XKR6: variants seen among roughly 807,000 people sequenced by gnomAD.
The protein encoded by XKR6 is XK related 6.
In XKR6, 22 loss-of-function variants were observed where a neutral mutation model predicts 56.7. The observed-to-expected ratio is 0.39, with a 90% CI of 0.28 to 0.55. XKR6 has a LOEUF of 0.55. Among genes scored for constraint, XKR6 ranks in the 20% least tolerant of loss-of-function variants. The pLI, the probability that XKR6 is intolerant of heterozygous loss-of-function variation, is 0.66. For missense variants in XKR6, 852 were observed against 889.0 expected, an observed-to-expected ratio of 0.96 and a Z score of 0.53; for synonymous variants, 524 against 387.8, an observed-to-expected ratio of 1.35 and a Z score of -4.13.
At chr8:11,071,051 C>G (rs1164075476) in intron 1 of XKR6, among the ~76,000 whole-genome samples, 1 of 152,182 alleles carries the variant, frequency 6.6e-6, no homozygotes, top group African/African-American at 2.4e-5. Flanking sequence ...TCCTCCTGGC[C>G]AGTTCATCTC....
At chr8:10,904,777 A>G (rs1412513666) in intron 2 of XKR6, among the ~76,000 whole-genome samples, 3 of 152,196 alleles carry the variant, frequency 2.0e-5, no homozygotes, top group African/African-American at 7.2e-5. Flanking sequence ...GGGGGAAGGC[A>G]TGCTCCAGAA....
intron 1 of XKR6, among the ~76,000 whole-genome samples, chr8:11,098,642 C>T (rs1798351260): frequency 6.6e-6 from 1 of 152,196 alleles, no homozygotes; most frequent in Non-Finnish European, 1.5e-5. Context: ...ATATCCCTTA[C>T]AGAAAGGTTC....
At chr8:10,978,953 C>A (rs7011268) in intron 1 of XKR6, among the ~76,000 whole-genome samples, 1 of 151,920 alleles carries the variant, frequency 6.6e-6, no homozygotes, top group Non-Finnish European at 1.5e-5. Flanking sequence ...TCACAGAGAC[C>A]GTACCCTCGG....
chr8:11,157,971 C>T (rs1801605236), intron 1 of XKR6, among the ~76,000 whole-genome samples: 1 of 152,144 alleles, frequency 6.6e-6, no homozygotes, highest in African/African-American at 2.4e-5. Context: ...CAAACCAAAG[C>T]AAAAATCTGT....
chr8:10,966,815 C>A (rs569112982), intron 1 of XKR6, among the ~76,000 whole-genome samples: 17 of 152,302 alleles, frequency 1.1e-4, no homozygotes, highest in African/African-American at 4.1e-4. Context: ...CTGGGGCGCA[C>A]TGACGTCTGA....
Position 11,181,776 on chromosome 8 carries a change from C to T in XKR6, c.764+18800G>A, listed in dbSNP as rs530299255. On this transcript the variant is annotated intron_variant, in intron 1 of 2. Transcript: ENST00000416569. Reference sequence around the variant, plus strand: ...CTTACTATATGCATCAAGCACTATTCTGAGACTTGGCATGTATTAATTCTT... The same window carrying T: ...CTTACTATATGCATCAAGCACTATTTTGAGACTTGGCATGTATTAATTCTT... 2.6e-5 allele frequency among the ~76,000 whole-genome samples: 4 copies of T among 152,326 alleles called. No individual in the cohort carries two copies. The South Asian group carries it at 8.3e-4, about 32-fold the overall frequency.
At chr8:11,037,127 G>C (rs1418088950) in intron 1 of XKR6, among the ~76,000 whole-genome samples, 1 of 152,170 alleles carries the variant, frequency 6.6e-6, no homozygotes, top group Non-Finnish European at 1.5e-5. Context: ...TCAAATTTCT[G>C]CATCTGTTTC....
intron 1 of XKR6, among the ~76,000 whole-genome samples, chr8:11,094,574 G>C (rs1460705380): frequency 6.6e-6 from 1 of 152,106 alleles, no homozygotes; most frequent in Non-Finnish European, 1.5e-5. Flanking sequence ...GACTTCTCCT[G>C]GGAACCCTCT....
intron 1 of XKR6, among the ~76,000 whole-genome samples, chr8:10,953,971 C>G (rs1471313614): frequency 6.6e-6 from 1 of 152,214 alleles, no homozygotes; most frequent in Non-Finnish European, 1.5e-5. Flanking sequence ...GTTTCAGCCA[C>G]AGTGTAGCAT....
At chr8:11,104,125 C>T (rs1453403164) in intron 1 of XKR6, among the ~76,000 whole-genome samples, 2 of 152,170 alleles carry the variant, frequency 1.3e-5, no homozygotes, top group South Asian at 2.1e-4. Context: ...CAATGTCGGG[C>T]CTCCTAAGAA....
rs761299614 is a variant in XKR6, at chr8:11,201,010, G to T, written c.330C>A (p.Pro110=). 7.8e-7 allele frequency: 1 copy of T among 1,276,362 alleles called. No individual in the cohort carries two copies. Among genetic ancestry groups the T allele is most frequent in the Non-Finnish European group, 9.9e-7 (1 of 1,013,720 alleles). 79.1% of individuals were successfully genotyped at this position (1,276,362 alleles called of 1,614,324 possible). Residue 110 remains proline, a synonymous_variant, in exon 1 of 3, where the codon CCC becomes CCA. Transcript: ENST00000416569. ...APGAGRQPPT[P]SAARPEPPPP... ...GCGGCGGCTCCGGCCGCGCGGCCGA[G>T]GGCGTCGGGGGTTGGCGGCCGGCGC...
intron 1 of XKR6, among the ~76,000 whole-genome samples, chr8:10,986,877 G>A (rs1440697264): frequency 1.3e-5 from 2 of 151,678 alleles, no homozygotes; most frequent in African/African-American, 2.4e-5. Context: ...CAGGGCTCAA[G>A]CCTTCTGCCT....
intron 1 of XKR6, chr8:11,111,582 G>C (rs1263941238): frequency 1.3e-5 from 2 of 152,074 alleles, no homozygotes; most frequent in African/African-American, 4.8e-5. Context: ...GACAAGAATA[G>C]GCATAGGAGG....
At chr8:10,969,846 G>A (rs759565244) in intron 1 of XKR6, among the ~76,000 whole-genome samples, 15 of 152,350 alleles carry the variant, frequency 9.8e-5, no homozygotes, top group South Asian at 4.1e-4. Context: ...ACCTGCCTGG[G>A]GTGGTTTATT....
At chr8:10,989,999 T>G (rs1299260032) in intron 1 of XKR6, among the ~76,000 whole-genome samples, 5 of 152,206 alleles carry the variant, frequency 3.3e-5, no homozygotes, top group Non-Finnish European at 7.4e-5. Context: ...GATGCCAAAC[T>G]GGGAGTCGGG....
intron 1 of XKR6, among the ~76,000 whole-genome samples, chr8:11,101,125 C>T (rs1396533623): frequency 1.3e-5 from 2 of 152,238 alleles, no homozygotes; most frequent in Non-Finnish European, 2.9e-5. Flanking sequence ...AATTCTAGTA[C>T]TGTGCACCTC....
intron 1 of XKR6, among the ~76,000 whole-genome samples, chr8:11,078,612 G>GT (rs1800335680): frequency 6.6e-6 from 1 of 152,204 alleles, no homozygotes; most frequent in South Asian, 2.1e-4. Flanking sequence ...GGACCTGAGG[G>GT]TTGTGGCTCC....
intron 1 of XKR6, among the ~76,000 whole-genome samples, chr8:11,068,872 G>C (rs992643124): frequency 2.6e-5 from 4 of 152,176 alleles, no homozygotes; most frequent in African/African-American, 9.6e-5. Context: ...CCTTCAGAAA[G>C]GCACCCGTCA....
chr8:10,943,316 G>A (rs1172731856), intron 1 of XKR6, among the ~76,000 whole-genome samples: 2 of 152,202 alleles, frequency 1.3e-5, no homozygotes, highest in African/African-American at 4.8e-5. Context: ...GACAGATGAG[G>A]AAGCTGAGGC....
Sources: allele counts gnomAD v4.1 joint callset (sites outside exome capture counted in the v4.1 genomes callset), GRCh38; gene constraint gnomAD v4.1.1; transcripts MANE v1.5; gene names NCBI Gene and HGNC (gene_info 2026-07-23, HGNC 2026-07-21).